The following TENM2 variants were observed in gnomAD, a reference collection of about 807,000 sequenced individuals.
TENM2 encodes the protein teneurin transmembrane protein 2, also known as teneurin-2.
Under a neutral mutation model 245.2 loss-of-function variants are expected in TENM2, and 52 were observed. The ratio of observed to expected loss-of-function variants is 0.21; its 90% CI spans 0.17 to 0.27. The LOEUF is 0.27. Among genes scored for constraint, TENM2 ranks in the 10% least tolerant of loss-of-function variants. TENM2 has a pLI of 1.00. For synonymous variants in TENM2, 1,363 were observed against 1,438.9 expected (o/e 0.95, Z 1.19); for missense variants, 3,046 against 3,666.8 (o/e 0.83, Z 4.37).
At chr5:167,002,634 G>A in the TENM2 span, among the ~76,000 whole-genome samples, 31 of 151,608 alleles carry the variant, frequency 2.0e-4, no homozygotes, top group African/African-American at 7.3e-4. Flanking sequence ...GCAGGACTCG[G>A]TGTCTGCAAA....
the TENM2 span, among the ~76,000 whole-genome samples, chr5:167,191,682 C>A: frequency 6.6e-6 from 1 of 151,926 alleles, no homozygotes; most frequent in Non-Finnish European, 1.5e-5. Context: ...ATGTAGGATA[C>A]CACTGCATGA....
chr5:167,325,321 G>C (rs988094394), intron 1 of TENM2, among the ~76,000 whole-genome samples: 2 of 152,152 alleles, frequency 1.3e-5, no homozygotes, highest in Non-Finnish European at 2.9e-5. Flanking sequence ...TTGTAAATAA[G>C]TAAATACGGT....
At chr5:168,162,485 C>A in intron 12 of TENM2, 126 bp from the exon 15 acceptor site, 1 of 955,160 alleles carries the variant, frequency 1.0e-6, no homozygotes, top group Non-Finnish European at 1.6e-6. Context: ...GGAAGGCAGG[C>A]GCGGGCCCCA....
intron 5 of TENM2, among the ~76,000 whole-genome samples, chr5:168,039,082 T>C (rs1787954507): frequency 6.6e-6 from 1 of 152,164 alleles, no homozygotes. Context: ...CTGACCCCCT[T>C]GCCTCTCCTC....
At chr5:167,663,141 G>GGAGAGAGAGAGAGAGAGAGAGAGA (rs544699415) in intron 2 of TENM2, among the ~76,000 whole-genome samples, 8 of 108,478 alleles carry the variant, frequency 7.4e-5, no homozygotes, top group Admixed American at 9.5e-5. Context: ...ATGGGGATGG[G>GGAGAGAGAGAGAGAGAGAGAGAGA]GAGAGAGAGA....
At chr5:167,880,418 A>T (rs990121615) in intron 3 of TENM2, among the ~76,000 whole-genome samples, 1 of 152,228 alleles carries the variant, frequency 6.6e-6, no homozygotes, top group Non-Finnish European at 1.5e-5. Flanking sequence ...AAGTATACAT[A>T]TATGCTCAAA....
At chr5:167,225,842 A>G in the TENM2 span, among the ~76,000 whole-genome samples, 2 of 151,842 alleles carry the variant, frequency 1.3e-5, no homozygotes, top group African/African-American at 4.8e-5. Context: ...CAATCTTGCT[A>G]CTTGCTATTG....
chr5:168,236,706 A>T (rs1044242718), intron 25 of TENM2, among the ~76,000 whole-genome samples: 1 of 151,658 alleles, frequency 6.6e-6, no homozygotes, highest in African/African-American at 2.4e-5. Flanking sequence ...GGCAGGGGTC[A>T]TAACTGTCTT....
the TENM2 span, among the ~76,000 whole-genome samples, chr5:167,175,095 G>A: frequency 7.6e-4 from 115 of 152,062 alleles, no homozygotes; most frequent in South Asian, 8.5e-3. Context: ...CATTGACGTC[G>A]TTTCTCTATC....
At chr5:167,362,887 A>C (rs1759798571) in intron 1 of TENM2, among the ~76,000 whole-genome samples, 1 of 152,210 alleles carries the variant, frequency 6.6e-6, no homozygotes, top group Admixed American at 6.5e-5. Flanking sequence ...TAATAGTAAC[A>C]TGAATAATAA....
chr5:167,943,262 G>C (rs1779335192), intron 3 of TENM2, among the ~76,000 whole-genome samples: 1 of 152,116 alleles, frequency 6.6e-6, no homozygotes, highest in Non-Finnish European at 1.5e-5. Context: ...GGCCACTCTT[G>C]GTATTAATGA....
the TENM2 span, among the ~76,000 whole-genome samples, chr5:167,114,122 G>C: frequency 1.3e-5 from 2 of 152,098 alleles, no homozygotes; most frequent in African/African-American, 4.8e-5. Flanking sequence ...GAGCCACATC[G>C]ATTTTCAGAA....
upstream of TENM2, among the ~76,000 whole-genome samples, chr5:167,280,184 G>A (rs766425153): frequency 3.3e-5 from 5 of 152,174 alleles, no homozygotes; most frequent in Non-Finnish European, 7.3e-5. Flanking sequence ...AGGAATGGAA[G>A]TTCTGGCTCC....
rs1447125016 is a variant in TENM2 at position 168,179,393 on chromosome 5, C to G, written c.2570-10944C>G. ...GGGACTTAAGTGGCTGGCAGAGGGCCAAGCACTTAATTGTAAACTTAAGTC... is the reference window on the plus strand; with the variant it reads ...GGGACTTAAGTGGCTGGCAGAGGGCGAAGCACTTAATTGTAAACTTAAGTC... On this transcript the variant is annotated intron_variant, in intron 13 of 28. Transcript: ENST00000518659. Among the ~76,000 whole-genome samples the G allele has an allele frequency of 3.3e-5, 5 of 152,162 alleles. No individual in the cohort carries two copies. The South Asian group carries it at 8.3e-4, about 25-fold the overall frequency.
At chr5:168,004,517 G>GCGCGCACACACACACACA (rs898616203) in intron 5 of TENM2, among the ~76,000 whole-genome samples, 4 of 132,152 alleles carry the variant, frequency 3.0e-5, no homozygotes, top group African/African-American at 1.2e-4. Flanking sequence ...GCGCGCGCGC[G>GCGCGCACACACACACACA]CACACACACA....
At chr5:167,101,167 T>C in the TENM2 span, among the ~76,000 whole-genome samples, 2 of 152,240 alleles carry the variant, frequency 1.3e-5, no homozygotes, top group Non-Finnish European at 2.9e-5. Flanking sequence ...CTCCCCACAA[T>C]AAGCAACAGT....
chr5:168,129,188 T>C (rs896796958), intron 12 of TENM2: 23 of 152,178 alleles, frequency 1.5e-4, no homozygotes, highest in African/African-American at 5.5e-4. Flanking sequence ...ATGACAACTT[T>C]GGTCTCAGCA....
the TENM2 span, among the ~76,000 whole-genome samples, chr5:167,246,009 G>C: frequency 2.0e-5 from 3 of 152,208 alleles, no homozygotes; most frequent in African/African-American, 7.2e-5. Flanking sequence ...TGCTTCCCTT[G>C]TTCATTTCCT....
At chr5:167,442,600 T>A (rs1277216508) in intron 2 of TENM2, among the ~76,000 whole-genome samples, 1 of 152,210 alleles carries the variant, frequency 6.6e-6, no homozygotes, top group African/African-American at 2.4e-5. Flanking sequence ...AAAATCCTTT[T>A]AACTAGTATT....
Sources: gnomAD v4.1 joint callset for allele counts (sites outside exome capture counted in the v4.1 genomes callset) on GRCh38, gnomAD v4.1.1 for gene constraint, MANE v1.5 for transcripts, NCBI Gene and HGNC (gene_info 2026-07-23, HGNC 2026-07-21) for gene names.